CHST3: variants seen among roughly 807,000 people sequenced by gnomAD.
CHST3 encodes the protein C6ST-1.
Under a neutral mutation model 35.4 loss-of-function variants are expected in CHST3, and 20 were observed. The ratio of observed to expected loss-of-function variants is 0.57; its 90% CI spans 0.40 to 0.82. CHST3 has a LOEUF of 0.82. Among genes scored for constraint, CHST3 ranks in the 40% least tolerant of loss-of-function variants. The probability of loss-of-function intolerance (pLI) is 0.00; values close to 1 mark genes in which losing one functional copy is unlikely to be tolerated. For missense variants in CHST3, 693 were observed against 670.1 expected (o/e 1.03, Z -0.38); for synonymous variants, 334 against 295.9 (o/e 1.13, Z -1.32).
At chr10:71,987,547 G>A (rs1457540903) in intron 1 of CHST3, among the ~76,000 whole-genome samples, 1 of 150,722 alleles carries the variant, frequency 6.6e-6, no homozygotes. Context: ...AACCCTGTCT[G>A]TACTAAAAAT....
rs181251145 is a variant in CHST3 at position 71,976,214 on chromosome 10, G to A, written c.-108+11520G>A. On this transcript the variant is annotated intron_variant, in intron 1 of 2. Coordinates refer to ENST00000373115, the MANE Select transcript of CHST3 (RefSeq NM_004273.5). ...AGGCCCTTTCCAGGCTTTGGAAAAT[G>A]TTCCTTCTCCACCCAGATGCCAACA... Among the ~76,000 whole-genome samples, 52 of 152,296 alleles carry A rather than the reference G, an allele frequency of 3.4e-4. 1 individual carries two copies. The highest frequency in any genetic ancestry group is 3.4e-3 in the Middle Eastern group (1 of 294).
intron 1 of CHST3, among the ~76,000 whole-genome samples, chr10:71,980,035 G>A (rs536988806): frequency 7.9e-5 from 12 of 152,264 alleles, no homozygotes; most frequent in African/African-American, 2.2e-4. Context: ...TGACTGTATC[G>A]GATGGGGAAA....
At chr10:71,987,143 C>T (rs754584396) in intron 1 of CHST3, among the ~76,000 whole-genome samples, 18 of 152,262 alleles carry the variant, frequency 1.2e-4, no homozygotes, top group Non-Finnish European at 2.5e-4. Context: ...CAGAGGATAG[C>T]AGCAGACACA....
At chr10:71,973,996 G>T (rs1171495722) in intron 1 of CHST3, among the ~76,000 whole-genome samples, 1 of 152,216 alleles carries the variant, frequency 6.6e-6, no homozygotes, top group Non-Finnish European at 1.5e-5. Context: ...CCCACTTACT[G>T]GCTGTGTGGC....
intron 1 of CHST3, among the ~76,000 whole-genome samples, chr10:71,992,686 G>A (rs185722942): frequency 7.7e-6 from 1 of 130,328 alleles, no homozygotes; most frequent in African/African-American, 3.0e-5. Flanking sequence ...TTGAGATGGA[G>A]TTTCACTTTT....
Position 72,007,155 on chromosome 10 carries a change from C to T in CHST3, c.141-17C>T. On this transcript the variant is annotated splice_polypyrimidine_tract_variant and intron_variant, in intron 2 of 2. Transcript: ENST00000373115. ...TCCCCAGTCAGCCACTGACCCTGAT[C>T]TTCTTTGTCCTCACAGGGTCTCAGA... 6.2e-7 allele frequency: 1 copy of T among 1,613,526 alleles called. No individual in the cohort carries two copies. Among genetic ancestry groups the T allele is most frequent in the Non-Finnish European group, 8.5e-7 (1 of 1,179,878 alleles).
At chr10:71,977,872 G>T (rs1839761700) in intron 1 of CHST3, among the ~76,000 whole-genome samples, 1 of 152,134 alleles carries the variant, frequency 6.6e-6, no homozygotes, top group African/African-American at 2.4e-5. Context: ...GTTTCATCAT[G>T]TTGGCCAGGC....
At chr10:71,996,314 A>G (rs1421487824) in intron 1 of CHST3, among the ~76,000 whole-genome samples, 1 of 152,202 alleles carries the variant, frequency 6.6e-6, no homozygotes, top group Non-Finnish European at 1.5e-5. Flanking sequence ...ACAATAAGCA[A>G]AAGCAAGGAA....
At chr10:71,979,261 T>C (rs570512132) in intron 1 of CHST3, among the ~76,000 whole-genome samples, 20 of 152,186 alleles carry the variant, frequency 1.3e-4, no homozygotes, top group Non-Finnish European at 2.5e-4. Flanking sequence ...CCTCTGTTTC[T>C]CATCTGGATA....
intron 1 of CHST3, among the ~76,000 whole-genome samples, chr10:71,972,456 C>T (rs959752989): frequency 2.0e-5 from 3 of 152,190 alleles, no homozygotes; most frequent in East Asian, 1.9e-4. Flanking sequence ...CAGTACCTGC[C>T]GGCTGCCCTG....
rs1365623843 is a variant in CHST3 at position 72,011,564 on chromosome 10, C to G, written c.*3093C>G. 6.6e-6 allele frequency: 1 copy of G among 152,262 alleles called. No individual in the cohort carries two copies. Among genetic ancestry groups the G allele is most frequent in the African/African-American group, 2.4e-5 (1 of 41,466 alleles). The allele number at this position is 152,262 out of a possible 1,614,324, so 9.4% of individuals were successfully genotyped here. A position where few individuals can be genotyped will look rare whatever the true frequency, so the allele number is the denominator to read the frequency against. ...TGGCTTCTCCTCTGTTCCAGCTTGTCTGCCAGAAGCCTTCCCCTGCAAGGT... is the reference window on the plus strand; with the variant it reads ...TGGCTTCTCCTCTGTTCCAGCTTGTGTGCCAGAAGCCTTCCCCTGCAAGGT... On this transcript the variant is annotated 3_prime_UTR_variant, in exon 3 of 3. Transcript: ENST00000373115.
chr10:71,974,296 C>T (rs375679316), intron 1 of CHST3, among the ~76,000 whole-genome samples: 1 of 152,226 alleles, frequency 6.6e-6, no homozygotes, highest in Non-Finnish European at 1.5e-5. Flanking sequence ...CCCCCTACAA[C>T]CCGGCAAGGT....
chr10:71,992,658 CTTT>C (rs57408244), intron 1 of CHST3, among the ~76,000 whole-genome samples: 300 of 111,372 alleles, frequency 2.7e-3, no homozygotes, highest in African/African-American at 8.9e-3. Flanking sequence ...ATGGAATATT[CTTT>C]TTTTTTTTTT....
intron 1 of CHST3, among the ~76,000 whole-genome samples, chr10:71,986,663 G>A (rs1187720463): frequency 6.6e-6 from 1 of 152,164 alleles, no homozygotes; most frequent in African/African-American, 2.4e-5. Context: ...AAGTAATGCT[G>A]GAAAGGTGGG....
chr10:71,967,714 G>A (rs776058392), intron 1 of CHST3, among the ~76,000 whole-genome samples: 1 of 152,158 alleles, frequency 6.6e-6, no homozygotes, highest in Non-Finnish European at 1.5e-5. Context: ...TTGGTAGAAT[G>A]GTAATCCTAC....
In CHST3 at chr10:71,989,622, T is replaced by C. The variant is rs79772015; in HGVS notation, c.-107-16114T>C. On this transcript the variant is annotated intron_variant, in intron 1 of 2. Coordinates refer to ENST00000373115, the MANE Select transcript of CHST3 (RefSeq NM_004273.5). The stretch of plus-strand genomic sequence containing the variant: ...GATTGGGACACAACTCCATATGCTT[T>C]TTATTTCCATTATTTTTATAACTTT... 7.2e-5 allele frequency among the ~76,000 whole-genome samples: 11 copies of C among 152,250 alleles called. No homozygotes were observed. The East Asian group carries it at 1.7e-3, about 24-fold the overall frequency.
chr10:71,991,947 G>A (rs1162440161), intron 1 of CHST3, among the ~76,000 whole-genome samples: 1 of 143,740 alleles, frequency 7.0e-6, no homozygotes, highest in Non-Finnish European at 1.5e-5. Flanking sequence ...AAAAAAAAAA[G>A]TTACTTTTAT....
chr10:71,994,675 A>G (rs1054294672), intron 1 of CHST3, among the ~76,000 whole-genome samples: 10 of 152,196 alleles, frequency 6.6e-5, no homozygotes, highest in Non-Finnish European at 1.3e-4. Context: ...TTTGAAGCCA[A>G]GCATTGACTT....
At chr10:71,988,452 C>T (rs1475562762) in intron 1 of CHST3, among the ~76,000 whole-genome samples, 1 of 152,174 alleles carries the variant, frequency 6.6e-6, no homozygotes, top group Admixed American at 6.6e-5. Flanking sequence ...CTGTCTTCCT[C>T]ATAGTGAGTT....
Sources: gnomAD v4.1 joint callset for allele counts (sites outside exome capture counted in the v4.1 genomes callset) on GRCh38, gnomAD v4.1.1 for gene constraint, MANE v1.5 for transcripts, NCBI Gene and HGNC (gene_info 2026-07-23, HGNC 2026-07-21) for gene names.